Variants in USPL1 observed in about 807,000 individuals in gnomAD.
The protein encoded by USPL1 is SUMO-specific isopeptidase USPL1.
Under a neutral mutation model 51.5 loss-of-function variants are expected in USPL1, and 27 were observed. The observed-to-expected ratio is 0.52, with a 90% confidence interval of 0.39 to 0.72. USPL1 has a LOEUF of 0.72. Among genes scored for constraint, USPL1 ranks in the 30% least tolerant of loss-of-function variants. USPL1 has a pLI of 0.00. For synonymous variants in USPL1, 451 were observed against 459.6 expected, an observed-to-expected ratio of 0.98 and a Z score of 0.24; for missense variants, 1,226 against 1,268.0, an observed-to-expected ratio of 0.97 and a Z score of 0.50.
Position 30,657,112 on chromosome 13 carries a change from A to G in USPL1, c.1397-362A>G, listed in dbSNP as rs116712450. Among the ~76,000 whole-genome samples the G allele has an allele frequency of 6.0e-3, 911 of 152,306 alleles. 8 individuals are homozygous for G. Among genetic ancestry groups the G allele is most frequent in the African/African-American group, 0.02 (833 of 41,568 alleles). On this transcript the variant is annotated intron_variant, in intron 8 of 8. Transcript: ENST00000255304. Reference sequence around the variant, plus strand: ...TTAAACTCTTCCCTTGTCATCTATCATCTCATTCTCTCTTGACAAATGTGA... The same window carrying G: ...TTAAACTCTTCCCTTGTCATCTATCGTCTCATTCTCTCTTGACAAATGTGA...
At position 30,660,540 on chromosome 13, in the gene USPL1, T is replaced by C. The variant is rs1951246064; in HGVS notation, c.*1184T>C. 6.6e-6 allele frequency: 1 copy of C among 152,238 alleles called. No individual in the cohort carries two copies. Among genetic ancestry groups the C allele is most frequent in the African/African-American group, 2.4e-5 (1 of 41,466 alleles). 9.4% of individuals were successfully genotyped at this position (152,238 alleles called of 1,614,324 possible). ...GTTCAAGAGTTTATGCAGATTTAAG[T>C]TGTATACGGTATATGAATGTGTGAC... On this transcript the variant is annotated 3_prime_UTR_variant, in exon 9 of 9. Coordinates refer to ENST00000255304, the MANE Select transcript of USPL1 (RefSeq NM_005800.5).
chr13:30,633,219 C>T (rs868364978), intron 4 of USPL1, among the ~76,000 whole-genome samples: 18 of 152,142 alleles, frequency 1.2e-4, no homozygotes, highest in South Asian at 4.1e-4. Flanking sequence ...ACTTTCATTA[C>T]AGCATATTGT....
In USPL1 at chr13:30,656,873, C is replaced by CT. The variant is rs565210591; in HGVS notation, c.1397-588dup. Among the ~76,000 whole-genome samples the CT allele has an allele frequency of 8.2e-3, 1,163 of 142,088 alleles. 11 individuals are homozygous for CT. Among genetic ancestry groups the CT allele is most frequent in the African/African-American group, 0.019 (743 of 38,872 alleles). The allele number at this position is 142,088 out of a possible 152,430, so 93.2% of individuals were successfully genotyped here. The stretch of plus-strand genomic sequence containing the variant: ...TAATAATATCCATCCTAATGGGTGT[C>CT]TTTTTTTTTTTTTAAAGGAATGGTT... On this transcript the variant is annotated intron_variant, in intron 8 of 8. Coordinates refer to ENST00000255304, the MANE Select transcript of USPL1 (RefSeq NM_005800.5).
rs1487057994 is a variant in USPL1, at chr13:30,637,982, G to C, written c.982+125G>C. 3 of 810,886 alleles carry C rather than the reference G, an allele frequency of 3.7e-6. No individual in the cohort carries two copies. The East Asian group carries it at 8.2e-5, about 22-fold the overall frequency. The allele number at this position is 810,886 out of a possible 1,614,324, so 50.2% of individuals were successfully genotyped here. ...CATATTCTTGGGAGAGAGAATCTGA[G>C]TAGTTTGACTTAGGAATCTACCACT... On this transcript the variant is annotated intron_variant, in intron 5 of 8. Coordinates refer to ENST00000255304, the MANE Select transcript of USPL1 (RefSeq NM_005800.5).
intron 4 of USPL1, among the ~76,000 whole-genome samples, chr13:30,631,971 T>G (rs1214208634): frequency 6.8e-5 from 3 of 44,104 alleles, no homozygotes; most frequent in Admixed American, 2.0e-4. Context: ...GTTTTTTTGT[T>G]TTTTTTTTTT....
At chr13:30,637,683 A>C in intron 4 of USPL1, 61 bp from the exon 5 acceptor site, 1 of 1,322,404 alleles carries the variant, frequency 7.6e-7, no homozygotes, top group Non-Finnish European at 1.1e-6. Flanking sequence ...GGAATGTGTC[A>C]GTTTTCTGTG....
chr13:30,626,619 T>C (rs1236909395), intron 3 of USPL1, among the ~76,000 whole-genome samples: 1 of 152,180 alleles, frequency 6.6e-6, no homozygotes, highest in Non-Finnish European at 1.5e-5. Context: ...AGTTCCGTTA[T>C]AAAATTTGGA....
rs1451460656 is a variant in USPL1, at chr13:30,658,095, C to A, written c.2018C>A (p.Thr673Asn). The A allele has an allele frequency of 6.2e-7, 1 of 1,613,464 alleles. No individual in the cohort carries two copies. Among genetic ancestry groups the A allele is most frequent in the East Asian group, 2.2e-5 (1 of 44,862 alleles). The change falls in exon 9 of 9, where the codon ACT (threonine) becomes AAT (asparagine). Residue 673 changes from threonine to asparagine, a missense_variant. Thr to Asn is a moderately conservative substitution (Grantham distance 65). Transcript: ENST00000255304. ...MQSVQLNTED[T>N]VNTKSVNNTD... ...TCAGTACAGCTGAATACAGAAGATA[C>A]TGTAAATACTAAATCTGTGAATAAT...
Position 30,658,486 on chromosome 13 carries a change from T to C in USPL1, c.2409T>C (p.Gly803=). The C allele has an allele frequency of 6.2e-7, 1 of 1,613,842 alleles. No individual in the cohort carries two copies. Among genetic ancestry groups the C allele is most frequent in the Non-Finnish European group, 8.5e-7 (1 of 1,180,022 alleles). Residue 803 remains glycine, a synonymous_variant, in exon 9 of 9, where the codon GGT becomes GGC. Transcript: ENST00000255304. ...VNNFGGFKTK[G]INQKASHVSK... ...ATTTTGGTGGCTTTAAAACTAAAGG[T>C]ATAAACCAGAAGGCCAGCCACGTAT...
chr13:30,637,457 A>G (rs1421688395), intron 4 of USPL1, among the ~76,000 whole-genome samples: 1 of 152,196 alleles, frequency 6.6e-6, no homozygotes, highest in Non-Finnish European at 1.5e-5. Context: ...AGAGATAGAC[A>G]TAGTATCTGA....
rs748823429 is a variant in USPL1, at chr13:30,621,081, G to GA, written c.-54dup. 76 of 1,402,610 alleles carry GA rather than the reference G, an allele frequency of 5.4e-5. No individual in the cohort carries two copies. The highest frequency in any genetic ancestry group is 2.8e-4 in the Admixed American group (13 of 45,830). The allele number at this position is 1,402,610 out of a possible 1,614,324, so 86.9% of individuals were successfully genotyped here. A position where few individuals can be genotyped will look rare whatever the true frequency, so the allele number is the denominator to read the frequency against. On this transcript the variant is annotated 5_prime_UTR_variant, in exon 2 of 9. Transcript: ENST00000255304. ...TGACTTTTTTTTTCCAGGGTTCATT[G>GA]AAAAAATCCTTAGTGATATTGACAT...
intron 7 of USPL1, among the ~76,000 whole-genome samples, chr13:30,651,326 T>C (rs922617018): frequency 4.6e-5 from 7 of 152,248 alleles, no homozygotes; most frequent in African/African-American, 1.7e-4. Flanking sequence ...AGTCATTTCT[T>C]ACTACCTAGG....
Position 30,637,750 on chromosome 13 carries a change from A to T in USPL1, c.875A>T (p.Asp292Val). ...GTTCTCTGTATTTTCTTAGATGGAG[A>T]TTGTAAAAAACTTACCTCAGAAATA... ...TSQLSGVKDGDCKKLTSEIFA... is the reference protein window; with the variant it reads ...TSQLSGVKDGVCKKLTSEIFA... Residue 292 changes from aspartate (D) to valine (V), a missense_variant, in exon 5 of 9, where the codon GAT becomes GTT. Coordinates refer to ENST00000255304, the MANE Select transcript of USPL1 (RefSeq NM_005800.5). 6.2e-7 allele frequency: 1 copy of T among 1,608,720 alleles called. No homozygotes were observed. Among genetic ancestry groups the T allele is most frequent in the Non-Finnish European group, 8.5e-7 (1 of 1,177,590 alleles).
At position 30,660,609 on chromosome 13, in the gene USPL1, T is replaced by C. The variant is rs1951247248; in HGVS notation, c.*1253T>C. 6.6e-6 allele frequency: 1 copy of C among 152,278 alleles called. No homozygotes were observed. The highest frequency in any genetic ancestry group is 2.4e-5 in the African/African-American group (1 of 41,474). 9.4% of individuals were successfully genotyped at this position (152,278 alleles called of 1,614,324 possible). A position where few individuals can be genotyped will look rare whatever the true frequency, so the allele number is the denominator to read the frequency against. On this transcript the variant is annotated 3_prime_UTR_variant, in exon 9 of 9. Coordinates refer to ENST00000255304, the MANE Select transcript of USPL1 (RefSeq NM_005800.5). ...GTGGCCTTCTGTAAGAGCCTACGCC[T>C]GTTTGTTACACCGGTAGAGTGCTGT...
chr13:30,644,035 A>C (rs1028372414), intron 6 of USPL1, among the ~76,000 whole-genome samples: 4 of 151,600 alleles, frequency 2.6e-5, no homozygotes, highest in African/African-American at 9.7e-5. Flanking sequence ...CTGTAATCCC[A>C]GCACTTTGGT....
In USPL1 at chr13:30,646,928, A is replaced by T; in HGVS notation, c.1113-4A>T. The T allele has an allele frequency of 6.3e-7, 1 of 1,597,288 alleles. No individual in the cohort carries two copies. The highest frequency in any genetic ancestry group is 1.1e-5 in the South Asian group (1 of 87,396). ...AATGAATTTGTTATGTCATTTTTTT[A>T]TAGGCATATGAAGAGTCTGGTCACC... On this transcript the variant is annotated splice_polypyrimidine_tract_variant and splice_region_variant and intron_variant, in intron 6 of 8. Coordinates refer to ENST00000255304, the MANE Select transcript of USPL1 (RefSeq NM_005800.5).
chr13:30,635,296 A>C (rs1950860538), intron 4 of USPL1, among the ~76,000 whole-genome samples: 1 of 152,192 alleles, frequency 6.6e-6, no homozygotes, highest in Admixed American at 6.5e-5. Context: ...TGCTTTTGAC[A>C]TTGAAATTTC....
At chr13:30,619,963 T>G (rs1424005238) in intron 1 of USPL1, among the ~76,000 whole-genome samples, 1 of 152,234 alleles carries the variant, frequency 6.6e-6, no homozygotes, top group Non-Finnish European at 1.5e-5. Flanking sequence ...ACATCGTCAG[T>G]GCATAGAACA....
intron 2 of USPL1, 42 bp downstream of exon 2, chr13:30,621,281 T>A (rs766183615): frequency 3.5e-6 from 5 of 1,447,718 alleles, no homozygotes; most frequent in Non-Finnish European, 4.7e-6. Flanking sequence ...AGTTTTTTTT[T>A]TTTCTCTATT....
Sources: allele counts gnomAD v4.1 joint callset (sites outside exome capture counted in the v4.1 genomes callset), GRCh38; gene constraint gnomAD v4.1.1; transcripts MANE v1.5; gene names NCBI Gene and HGNC (gene_info 2026-07-23, HGNC 2026-07-21).